Variants in NUDT1 observed in about 807,000 individuals in gnomAD.
NUDT1 encodes oxidized purine nucleoside triphosphate hydrolase.
Under a neutral mutation model 11.3 loss-of-function variants are expected in NUDT1, and 16 were observed. That is an observed-to-expected ratio of 1.41 (90% CI 0.96 to 2.15). The LOEUF is 2.15. Ranked by LOEUF, NUDT1 falls within the 30% of genes most tolerant of loss-of-function variation. The probability of loss-of-function intolerance (pLI) is 0.00; values close to 1 mark genes in which losing one functional copy is unlikely to be tolerated. For missense variants in NUDT1, 234 were observed against 208.4 expected, an observed-to-expected ratio of 1.12 and a Z score of -0.76; for synonymous variants, 101 against 84.4, an observed-to-expected ratio of 1.20 and a Z score of -1.08.
Position 2,249,950 on chromosome 7 carries a change from C to A in NUDT1, c.246C>A (p.Asp82Glu). 1.2e-6 allele frequency: 2 copies of A among 1,614,204 alleles called. No homozygotes were observed. The highest frequency in any genetic ancestry group is 1.7e-6 in the Non-Finnish European group (2 of 1,180,038). The change falls in exon 3 of 4, where the codon GAC becomes GAA. Residue 82 changes from aspartate (D) to glutamate (E), a missense_variant. Physicochemically the swap from Asp to Glu is conservative, Grantham distance 45. Coordinates refer to ENST00000356714, the MANE Select transcript of NUDT1 (RefSeq NM_002452.4). Reference protein sequence around the residue: ...FEFVGEPELMDVHVFCTDSIQ... With the variant: ...FEFVGEPELMEVHVFCTDSIQ... Reference sequence around the variant, plus strand: ...TCGTGGGCGAGCCTGAGCTCATGGACGTGCATGTCTTCTGCACAGACAGCA... The same window carrying A: ...TCGTGGGCGAGCCTGAGCTCATGGAAGTGCATGTCTTCTGCACAGACAGCA...
At chr7:2,247,121 C>T (rs1335895746) in intron 2 of NUDT1, among the ~76,000 whole-genome samples, 4 of 152,178 alleles carry the variant, frequency 2.6e-5, no homozygotes, top group Admixed American at 6.5e-5. Flanking sequence ...TCAGTACCTG[C>T]GAGTCTGAAT....
chr7:2,244,744 C>G lies in NUDT1; in HGVS notation c.152+18C>G. On this transcript the variant is annotated intron_variant, in intron 2 of 3. Coordinates refer to ENST00000356714, the MANE Select transcript of NUDT1 (RefSeq NM_002452.4). ...GCTAGGAGGTAAGGATGGGGCAGGT[C>G]TGGCCATAGAACCGGCTTTCCCAGG... 1 of 1,599,662 alleles carries G rather than the reference C, an allele frequency of 6.3e-7. No individual in the cohort carries two copies. Among genetic ancestry groups the G allele is most frequent in the Non-Finnish European group, 8.5e-7 (1 of 1,174,320 alleles).
At chr7:2,243,062 G>A (rs371519404) in intron 1 of NUDT1, 1 of 715,670 alleles carries the variant, frequency 1.4e-6, no homozygotes, top group Admixed American at 2.0e-5. Context: ...ATTTTCCCCT[G>A]GAGTCGGGCT....
At chr7:2,250,137 C>T in intron 3 of NUDT1, 135 bp downstream of exon 3, 1 of 1,157,204 alleles carries the variant, frequency 8.6e-7, no homozygotes, top group African/African-American at 1.5e-5. Flanking sequence ...CCCACAGTGC[C>T]AGCGTGGGGC....
At chr7:2,246,479 G>A (rs759050557) in intron 2 of NUDT1, among the ~76,000 whole-genome samples, 1 of 152,220 alleles carries the variant, frequency 6.6e-6, no homozygotes, top group Non-Finnish European at 1.5e-5. Flanking sequence ...GCAGAGAAGT[G>A]GTGGGTGTGA....
Position 2,244,587 on chromosome 7 carries a change from A to T in NUDT1, c.13A>T (p.Arg5Trp). 1 of 1,595,570 alleles carries T rather than the reference A, an allele frequency of 6.3e-7. No individual in the cohort carries two copies. Among genetic ancestry groups the T allele is most frequent in the Non-Finnish European group, 8.6e-7 (1 of 1,169,298 alleles). MGAS[R>W]LYTLVLVLQP... is the part of the protein sequence containing the mutation. ...GAACCCAGGGACCATGGGCGCCTCC[A>T]GGCTCTATACCCTGGTGCTGGTCCT... Residue 5 changes from arginine to tryptophan, a missense_variant, in exon 2 of 4, where the codon AGG becomes TGG. Physicochemically the swap from Arg to Trp is moderately radical, Grantham distance 101. Transcript: ENST00000356714.
chr7:2,247,743 G>C (rs1179979206), intron 2 of NUDT1, among the ~76,000 whole-genome samples: 1 of 152,240 alleles, frequency 6.6e-6, no homozygotes, highest in Non-Finnish European at 1.5e-5. Flanking sequence ...TGGAGCTTCA[G>C]CTCTGTCTCC....
chr7:2,244,674 G>T lies in NUDT1; in HGVS notation c.100G>T (p.Gly34Cys). The change falls in exon 2 of 4, where the codon GGC (glycine) becomes TGC (cysteine). Residue 34 changes from glycine to cysteine, a missense_variant. Gly to Cys is a radical substitution (Grantham distance 159, BLOSUM62 -3). Transcript: ENST00000356714. Reference sequence around the variant, plus strand: ...AGGCTTCGGGGCCGGCCGGTGGAATGGCTTTGGGGGCAAAGTGCAAGAAGG... The same window carrying T: ...AGGCTTCGGGGCCGGCCGGTGGAATTGCTTTGGGGGCAAAGTGCAAGAAGG... ...KRGFGAGRWN[G>C]FGGKVQEGET... The T allele has an allele frequency of 1.2e-6, 2 of 1,613,510 alleles. No homozygotes were observed. The highest frequency in any genetic ancestry group is 1.7e-6 in the Non-Finnish European group (2 of 1,179,830).
At chr7:2,248,200 C>T (rs3735092) in intron 2 of NUDT1, 51,904 of 152,146 alleles carry the variant, frequency 0.34, 9,201 homozygotes, top group Middle Eastern at 0.41. Context: ...CAGAAAAACA[C>T]ACACACAGAA....
chr7:2,247,236 A>T (rs1162147690), intron 2 of NUDT1, among the ~76,000 whole-genome samples: 1 of 152,020 alleles, frequency 6.6e-6, no homozygotes, highest in Non-Finnish European at 1.5e-5. Context: ...TGCTTTATCC[A>T]CGCAATACCC....
At chr7:2,244,460 GC>G in intron 1 of NUDT1, 102 bp from the exon 2 acceptor site, 2 of 382,892 alleles carry the variant, frequency 5.2e-6, no homozygotes, top group Middle Eastern at 7.9e-4. Context: ...ATACCCCCCC[GC>G]CCCCCACTGC....
At position 2,249,923 on chromosome 7, in the gene NUDT1, G is replaced by C. The variant is rs1350168700; in HGVS notation, c.219G>C (p.Glu73Asp). The part of the protein sequence containing the change: ...ALHKVGQIVF[E>D]FVGEPELMDV... The stretch of plus-strand genomic sequence containing the variant: ...ACAAGGTGGGCCAGATCGTGTTTGA[G>C]TTCGTGGGCGAGCCTGAGCTCATGG... The change falls in exon 3 of 4, where the codon GAG (glutamate) becomes GAC (aspartate). Residue 73 changes from glutamate to aspartate, a missense_variant. Coordinates refer to ENST00000356714, the MANE Select transcript of NUDT1 (RefSeq NM_002452.4). The C allele has an allele frequency of 6.2e-7, 1 of 1,614,196 alleles. No homozygotes were observed.
chr7:2,242,898 A>C lies in NUDT1; in HGVS notation c.-13+642A>C, dbSNP rs541122395. ...CTGTTAGACTCCCTGCCTTATCGCAAGGACAGAGGGCTTTCTGTATCCCTA... is the reference window on the plus strand; with the variant it reads ...CTGTTAGACTCCCTGCCTTATCGCACGGACAGAGGGCTTTCTGTATCCCTA... On this transcript the variant is annotated intron_variant, in intron 1 of 3. Coordinates refer to ENST00000356714, the MANE Select transcript of NUDT1 (RefSeq NM_002452.4). 1.1e-5 allele frequency: 8 copies of C among 704,502 alleles called. No individual in the cohort carries two copies. The South Asian group carries it at 1.2e-4, about 10-fold the overall frequency. 43.6% of individuals were successfully genotyped at this position (704,502 alleles called of 1,614,324 possible).
rs750355029 is a variant in NUDT1 at position 2,242,895 on chromosome 7, G to T, written c.-13+639G>T. The T allele has an allele frequency of 8.5e-6, 6 of 703,328 alleles. No individual in the cohort carries two copies. The Admixed American group carries it at 1.0e-4, about 12-fold the overall frequency. 43.6% of individuals were successfully genotyped at this position (703,328 alleles called of 1,614,324 possible). On this transcript the variant is annotated intron_variant, in intron 1 of 3. Coordinates refer to ENST00000356714, the MANE Select transcript of NUDT1 (RefSeq NM_002452.4). Reference sequence around the variant, plus strand: ...CAGCTGTTAGACTCCCTGCCTTATCGCAAGGACAGAGGGCTTTCTGTATCC... The same window carrying T: ...CAGCTGTTAGACTCCCTGCCTTATCTCAAGGACAGAGGGCTTTCTGTATCC...
chr7:2,244,451 T>TTGCCCCCCCCCCCCCCCCCCC, intron 1 of NUDT1, 112 bp from the exon 2 acceptor site: 1 of 981,626 alleles, frequency 1.0e-6, no homozygotes, highest in South Asian at 1.7e-5. Flanking sequence ...AGTTACAGCA[T>TTGCCCCCCCCCCCCCCCCCCC]ACCCCCCCGC....
At position 2,242,276 on chromosome 7, in the gene NUDT1, G is replaced by A. The variant is rs35967498; in HGVS notation, c.-13+20G>A. 4 of 1,155,446 alleles carry A rather than the reference G, an allele frequency of 3.5e-6. No homozygotes were observed. The East Asian group carries it at 1.2e-4, about 35-fold the overall frequency. The allele number at this position is 1,155,446 out of a possible 1,614,324, so 71.6% of individuals were successfully genotyped here. On this transcript the variant is annotated intron_variant, in intron 1 of 3. Coordinates refer to ENST00000356714, the MANE Select transcript of NUDT1 (RefSeq NM_002452.4). ...GTGCAGGTACGAAAAGCGCGCGCGGGGATTCCAGGAGTCGTGGTGACCAGG... is the reference window on the plus strand; with the variant it reads ...GTGCAGGTACGAAAAGCGCGCGCGGAGATTCCAGGAGTCGTGGTGACCAGG...
chr7:2,243,632 G>A (rs780003164), intron 1 of NUDT1, among the ~76,000 whole-genome samples: 5 of 152,244 alleles, frequency 3.3e-5, no homozygotes, highest in African/African-American at 4.8e-5. Flanking sequence ...AATTAGCTGG[G>A]TGTGGCGGCT....
chr7:2,249,772 G>T, intron 2 of NUDT1, 85 bp from the exon 3 acceptor site: 1 of 1,568,610 alleles, frequency 6.4e-7, no homozygotes. Flanking sequence ...GCTGTGTGTA[G>T]ATGCCCAGCT....
intron 1 of NUDT1, 106 bp from the exon 2 acceptor site, chr7:2,244,457 C>T: frequency 1.0e-6 from 1 of 966,456 alleles, no homozygotes; most frequent in Non-Finnish European, 1.5e-6. Context: ...AGCATACCCC[C>T]CCGCCCCCCA....
Sources: allele counts gnomAD v4.1 joint callset (sites outside exome capture counted in the v4.1 genomes callset), GRCh38; gene constraint gnomAD v4.1.1; transcripts MANE v1.5; gene names NCBI Gene and HGNC (gene_info 2026-07-23, HGNC 2026-07-21).